The following UVRAG variants were observed in gnomAD, a reference collection of about 807,000 sequenced individuals.
UVRAG encodes UV radiation resistance-associated gene protein.
Under a neutral mutation model 78.0 loss-of-function variants are expected in UVRAG, and 19 were observed. That is an observed-to-expected ratio of 0.24 (90% CI 0.17 to 0.36). The LOEUF (loss-of-function observed/expected upper bound fraction) is 0.36, where lower values mean the gene tolerates loss of function less well. Ranked by LOEUF, UVRAG falls within the 10% of genes least tolerant of loss-of-function variation. The pLI is 1.00. For synonymous variants in UVRAG, 323 were observed against 324.6 expected, an observed-to-expected ratio of 1.00 and a Z score of 0.05; for missense variants, 740 against 853.8, an observed-to-expected ratio of 0.87 and a Z score of 1.66.
chr11:75,981,079 G>T (rs779435374), intron 7 of UVRAG, among the ~76,000 whole-genome samples: 11 of 152,130 alleles, frequency 7.2e-5, no homozygotes, highest in Admixed American at 5.9e-4. Context: ...TCTTGAATAT[G>T]TAGATTTCTT....
chr11:76,103,376 T>C (rs1428301446), intron 13 of UVRAG, among the ~76,000 whole-genome samples: 1 of 152,188 alleles, frequency 6.6e-6, no homozygotes, highest in Non-Finnish European at 1.5e-5. Context: ...TATTCATGGC[T>C]GAGTCATTTT....
chr11:75,975,852 C>T (rs1317888522), intron 7 of UVRAG, among the ~76,000 whole-genome samples: 1 of 152,138 alleles, frequency 6.6e-6, no homozygotes, highest in African/African-American at 2.4e-5. Flanking sequence ...ATTGAATACC[C>T]TTTGTTTCTT....
intron 11 of UVRAG, among the ~76,000 whole-genome samples, chr11:76,012,674 T>TA (rs1950072090): frequency 6.6e-6 from 1 of 152,108 alleles, no homozygotes; most frequent in African/African-American, 2.4e-5. Context: ...TGTGCTTTTC[T>TA]AAGTGGGTAA....
rs181567367 is a variant in UVRAG at position 76,113,546 on chromosome 11, A to G, written c.1306-2378A>G. On this transcript the variant is annotated intron_variant, in intron 13 of 14. Transcript: ENST00000356136. ...AGAGCAGAGAACTGCTTTTTTTTTCATTATAAATCTTGTAGTGGTTTAGAC... is the reference window on the plus strand; with the variant it reads ...AGAGCAGAGAACTGCTTTTTTTTTCGTTATAAATCTTGTAGTGGTTTAGAC... Among the ~76,000 whole-genome samples the G allele has an allele frequency of 3.2e-3, 489 of 152,100 alleles. 5 individuals carry two copies. Among genetic ancestry groups the G allele is most frequent in the South Asian group, 0.013 (62 of 4,814 alleles).
chr11:75,903,515 C>T (rs1000067664), intron 5 of UVRAG, among the ~76,000 whole-genome samples: 1 of 152,162 alleles, frequency 6.6e-6, no homozygotes, highest in African/African-American at 2.4e-5. Context: ...TTGTGTTTTC[C>T]TGCTGTCATG....
chr11:75,917,602 C>T (rs1467422722), intron 6 of UVRAG, among the ~76,000 whole-genome samples: 1 of 152,158 alleles, frequency 6.6e-6, no homozygotes, highest in East Asian at 1.9e-4. Flanking sequence ...CTGCATTTTC[C>T]AACCACCATG....
intron 7 of UVRAG, among the ~76,000 whole-genome samples, chr11:75,978,627 A>G (rs545744243): frequency 1.8e-4 from 28 of 152,266 alleles, no homozygotes; most frequent in Admixed American, 2.6e-4. Context: ...TTGATCTTCT[A>G]TCACTGATAC....
rs182846519 is a variant in UVRAG at position 76,115,270 on chromosome 11, C to G, written c.1306-654C>G. On this transcript the variant is annotated intron_variant, in intron 13 of 14. Coordinates refer to ENST00000356136, the MANE Select transcript of UVRAG (RefSeq NM_003369.4). ...TCAAACAAAGGGCAGATCTAGCCCA[C>G]AAACCAGCAGTTTCCCTGTACCACC... Among the ~76,000 whole-genome samples the G allele has an allele frequency of 3.3e-5, 5 of 152,358 alleles. No individual in the cohort carries two copies. The East Asian group carries it at 9.6e-4, about 29-fold the overall frequency.
chr11:75,930,853 A>C (rs923566654), intron 6 of UVRAG: 9 of 152,248 alleles, frequency 5.9e-5, no homozygotes, highest in African/African-American at 2.4e-5. Flanking sequence ...GCCTGTACTG[A>C]GTTTTCACTA....
intron 1 of UVRAG, among the ~76,000 whole-genome samples, chr11:75,838,742 A>C (rs1945842174): frequency 6.6e-6 from 1 of 152,134 alleles, no homozygotes; most frequent in African/African-American, 2.4e-5. Flanking sequence ...CCTCTCCAAA[A>C]CTCATGTTGA....
chr11:75,957,016 T>A lies in UVRAG; in HGVS notation c.594-4428T>A, dbSNP rs1036822956. On this transcript the variant is annotated intron_variant, in intron 6 of 14. Transcript: ENST00000356136. ...CCAGTCTATGGACTGTTTTTTTTTT[T>A]AAATTTTCCTAATGGGAGCTTTGTT... 1.5e-4 allele frequency among the ~76,000 whole-genome samples: 23 copies of A among 152,206 alleles called. No homozygotes were observed. The East Asian group carries it at 1.7e-3, about 11-fold the overall frequency.
At chr11:76,102,385 G>C (rs1951892983) in intron 13 of UVRAG, among the ~76,000 whole-genome samples, 1 of 151,992 alleles carries the variant, frequency 6.6e-6, no homozygotes, top group Admixed American at 6.6e-5. Flanking sequence ...TTTGGCTGTT[G>C]TTGGGAATGC....
chr11:75,881,225 G>A (rs1265765068), intron 4 of UVRAG, among the ~76,000 whole-genome samples: 2 of 152,132 alleles, frequency 1.3e-5, no homozygotes, highest in Non-Finnish European at 2.9e-5. Flanking sequence ...GATAGGATGT[G>A]CCTGTCACAC....
At chr11:76,045,841 T>C (rs762739520) in intron 12 of UVRAG, among the ~76,000 whole-genome samples, 13 of 151,958 alleles carry the variant, frequency 8.6e-5, no homozygotes, top group Non-Finnish European at 1.8e-4. Context: ...TAGGAAGTTA[T>C]CCAACAAATA....
intron 1 of UVRAG, among the ~76,000 whole-genome samples, chr11:75,841,935 G>A (rs1297622373): frequency 1.3e-5 from 2 of 152,102 alleles, no homozygotes; most frequent in Non-Finnish European, 2.9e-5. Flanking sequence ...AGCTTGGTGG[G>A]AACAACTTGT....
intron 13 of UVRAG, among the ~76,000 whole-genome samples, chr11:76,083,874 C>A (rs1021012719): frequency 6.6e-6 from 1 of 152,150 alleles, no homozygotes; most frequent in African/African-American, 2.4e-5. Flanking sequence ...TTCAGGAGAT[C>A]AAAAGAGACT....
chr11:75,926,172 C>T (rs1373765308), intron 6 of UVRAG, among the ~76,000 whole-genome samples: 2 of 152,128 alleles, frequency 1.3e-5, no homozygotes, highest in African/African-American at 4.8e-5. Context: ...ATACTCCTCA[C>T]CTTGTGCCTC....
intron 6 of UVRAG, among the ~76,000 whole-genome samples, chr11:75,951,368 T>TTG (rs1555094014): frequency 1.2e-4 from 18 of 150,408 alleles, no homozygotes; most frequent in African/African-American, 4.5e-4. Flanking sequence ...TGTATATATT[T>TTG]TTTGTTTGTT....
intron 6 of UVRAG, among the ~76,000 whole-genome samples, chr11:75,947,042 G>A (rs973003534): frequency 4.6e-5 from 7 of 152,068 alleles, no homozygotes; most frequent in Non-Finnish European, 8.8e-5. Context: ...TCTTGCATGC[G>A]TGTGGAGAGG....
Sources: allele counts gnomAD v4.1 joint callset (sites outside exome capture counted in the v4.1 genomes callset), GRCh38; gene constraint gnomAD v4.1.1; transcripts MANE v1.5; gene names NCBI Gene and HGNC (gene_info 2026-07-23, HGNC 2026-07-21).